Variants in GPR107 observed in about 807,000 individuals in gnomAD.
The protein encoded by GPR107 is protein GPR107.
Under a neutral mutation model 75.5 loss-of-function variants are expected in GPR107, and 31 were observed. That is an observed-to-expected ratio of 0.41 (90% confidence interval 0.31 to 0.55). The LOEUF is 0.55. Ranked by LOEUF, GPR107 falls within the 20% of genes least tolerant of loss-of-function variation. The pLI, the probability that GPR107 is intolerant of heterozygous loss-of-function variation, is 0.26. For synonymous variants in GPR107, 267 were observed against 251.3 expected (o/e 1.06, Z -0.59); for missense variants, 572 against 665.7 (o/e 0.86, Z 1.55).
At chr9:130,127,129 C>T (rs1341463333) in intron 15 of GPR107, among the ~76,000 whole-genome samples, 1 of 152,176 alleles carries the variant, frequency 6.6e-6, no homozygotes, top group Non-Finnish European at 1.5e-5. Flanking sequence ...GGTAAATATT[C>T]CTCAAAGCCT....
At chr9:130,089,169 C>CA (rs998736204) in intron 7 of GPR107, among the ~76,000 whole-genome samples, 60 of 139,030 alleles carry the variant, frequency 4.3e-4, no homozygotes, top group South Asian at 9.2e-4. Flanking sequence ...GACTCCATCT[C>CA]AAAAAAAAAA....
intron 12 of GPR107, among the ~76,000 whole-genome samples, chr9:130,102,580 C>G (rs549418502): frequency 1.3e-5 from 2 of 152,242 alleles, no homozygotes; most frequent in African/African-American, 4.8e-5. Flanking sequence ...TAAATGTCAG[C>G]CTGAAAAGTT....
chr9:130,109,571 CTTT>C (rs869222805), intron 14 of GPR107, among the ~76,000 whole-genome samples: 5 of 60,492 alleles, frequency 8.3e-5, no homozygotes, highest in Admixed American at 1.5e-4. Flanking sequence ...CTTTTTCTTT[CTTT>C]TTTTTTTTTT....
rs1337225381 is a variant in GPR107 at position 130,136,242 on chromosome 9, C to T, written c.*1121C>T. 2 of 152,212 alleles carry T rather than the reference C, an allele frequency of 1.3e-5. No individual in the cohort carries two copies. Among genetic ancestry groups the T allele is most frequent in the Non-Finnish European group, 2.9e-5 (2 of 68,052 alleles). 9.4% of individuals were successfully genotyped at this position (152,212 alleles called of 1,614,324 possible). A position where few individuals can be genotyped will look rare whatever the true frequency, so the allele number is the denominator to read the frequency against. ...GGGATTTTAGGATGGCAAAATACTT[C>T]ACAGAAACTCAATGATTAAGTTCCC... On this transcript the variant is annotated 3_prime_UTR_variant, in exon 18 of 18. Coordinates refer to ENST00000347136, the MANE Select transcript of GPR107 (RefSeq NM_020960.5).
chr9:130,055,020 C>T (rs1205971201), intron 1 of GPR107, among the ~76,000 whole-genome samples: 1 of 152,134 alleles, frequency 6.6e-6, no homozygotes, highest in Non-Finnish European at 1.5e-5. Context: ...GAGGTTGAGA[C>T]TGCAGTGAGC....
intron 2 of GPR107, among the ~76,000 whole-genome samples, 169 bp from the exon 3 acceptor site, chr9:130,076,243 C>G (rs1830346291): frequency 6.6e-6 from 1 of 152,130 alleles, no homozygotes; most frequent in Admixed American, 6.5e-5. Context: ...TGTAATAATT[C>G]TAGTAATTAG....
chr9:130,116,640 T>C (rs1831434598), intron 14 of GPR107, among the ~76,000 whole-genome samples: 1 of 152,094 alleles, frequency 6.6e-6, no homozygotes, highest in African/African-American at 2.4e-5. Context: ...GAGTCTGAGA[T>C]CAGCGTGGCC....
At chr9:130,132,585 G>C (rs1038738111) in intron 17 of GPR107, among the ~76,000 whole-genome samples, 4 of 152,168 alleles carry the variant, frequency 2.6e-5, no homozygotes, top group African/African-American at 9.6e-5. Flanking sequence ...TCAGGAGTTT[G>C]AGACCAGTCT....
chr9:130,127,554 G>A lies in GPR107; in HGVS notation c.1428G>A (p.Lys476=). Reference sequence around the variant, plus strand: ...AACTCGCTGTTCCATTCCAGTGGAAGTGGCTCTACCAGGTACGCTGCTCAC... The same window carrying A: ...AACTCGCTGTTCCATTCCAGTGGAAATGGCTCTACCAGGTACGCTGCTCAC... ...LLKLAVPFQW[K]WLYQLLDETA... is the part of the protein sequence containing the mutation. The change falls in exon 16 of 18, where the codon AAG becomes AAA. Residue 476 remains lysine, a synonymous_variant. Coordinates refer to ENST00000347136, the MANE Select transcript of GPR107 (RefSeq NM_020960.5). 1.3e-6 allele frequency: 2 copies of A among 1,582,208 alleles called. No homozygotes were observed. The highest frequency in any genetic ancestry group is 1.7e-6 in the Non-Finnish European group (2 of 1,150,732).
intron 14 of GPR107, among the ~76,000 whole-genome samples, chr9:130,120,267 T>C (rs766110737): frequency 1.3e-5 from 2 of 152,162 alleles, no homozygotes; most frequent in Non-Finnish European, 2.9e-5. Flanking sequence ...CGCAGGCTCA[T>C]TTATGGAGAG....
intron 11 of GPR107, among the ~76,000 whole-genome samples, 160 bp from the exon 12 acceptor site, chr9:130,100,946 T>A (rs185560500): frequency 1.3e-5 from 2 of 152,336 alleles, no homozygotes; most frequent in East Asian, 1.9e-4. Flanking sequence ...GCTAACTGTG[T>A]GCCCTGAAGG....
chr9:130,076,130 C>T (rs1398704907), intron 2 of GPR107, among the ~76,000 whole-genome samples: 3 of 152,108 alleles, frequency 2.0e-5, no homozygotes, highest in Non-Finnish European at 4.4e-5. Context: ...AACCCCAATG[C>T]TTAAATATAA....
intron 14 of GPR107, among the ~76,000 whole-genome samples, chr9:130,114,882 C>T (rs1831384658): frequency 6.6e-6 from 1 of 152,190 alleles, no homozygotes; most frequent in African/African-American, 2.4e-5. Context: ...TTCTTCTCTT[C>T]CTTTGCCTAT....
intron 14 of GPR107, 28 bp from the exon 15 acceptor site, chr9:130,124,887 T>A: frequency 6.9e-7 from 1 of 1,454,834 alleles, no homozygotes; most frequent in Non-Finnish European, 9.5e-7. Context: ...GTTAACGAGC[T>A]CTTCATTTTG....
chr9:130,131,672 C>T (rs1395255858), intron 17 of GPR107, among the ~76,000 whole-genome samples: 1 of 152,090 alleles, frequency 6.6e-6, no homozygotes. Flanking sequence ...CGCCCCTCCC[C>T]ATTGTTCCCT....
chr9:130,090,426 C>A (rs1428856779), intron 7 of GPR107, among the ~76,000 whole-genome samples: 1 of 152,096 alleles, frequency 6.6e-6, no homozygotes, highest in Admixed American at 6.6e-5. Context: ...CTATAAAGAG[C>A]AAAATAATAC....
rs71387314 is a variant in GPR107, at chr9:130,099,868, CTTTTTTTTTTTTTTTTTTTTTTTT to C, written c.939+357_939+380del. 1.4e-4 allele frequency among the ~76,000 whole-genome samples: 13 copies of C among 90,028 alleles called. 1 individual carries two copies. The highest frequency in any genetic ancestry group is 1.2e-3 in the South Asian group (3 of 2,572). 59.1% of individuals were successfully genotyped at this position (90,028 alleles called of 152,430 possible). A position where few individuals can be genotyped will look rare whatever the true frequency, so the allele number is the denominator to read the frequency against. ...GCCACCTGCTGACTTGTTTCCACGACTTTTTTTTTTTTTTTTTTTTTTTTTTTTTTTTTTTTTTTTTTTTGAGAC... is the reference window on the plus strand; with the variant it reads ...GCCACCTGCTGACTTGTTTCCACGACTTTTTTTTTTTTTTTTTTTTGAGAC... On this transcript the variant is annotated intron_variant, in intron 10 of 17. Transcript: ENST00000347136.
At chr9:130,073,363 A>G (rs1193960677) in intron 1 of GPR107, among the ~76,000 whole-genome samples, 3 of 152,222 alleles carry the variant, frequency 2.0e-5, no homozygotes, top group African/African-American at 4.8e-5. Flanking sequence ...AGAATTGAGA[A>G]AATAGATACT....
intron 12 of GPR107, among the ~76,000 whole-genome samples, chr9:130,101,775 TAC>T (rs1184769659): frequency 6.6e-6 from 1 of 152,174 alleles, no homozygotes; most frequent in African/African-American, 2.4e-5. Flanking sequence ...GTAAAGAACT[TAC>T]AATGAACAGA....
Sources: gnomAD v4.1 joint callset for allele counts (sites outside exome capture counted in the v4.1 genomes callset) on GRCh38, gnomAD v4.1.1 for gene constraint, MANE v1.5 for transcripts, NCBI Gene and HGNC (gene_info 2026-07-23, HGNC 2026-07-21) for gene names.